Variants in MYL6B observed in about 807,000 individuals in gnomAD.
MYL6B encodes the protein myosin alkali light chain 1 slow a.
In MYL6B, 19 loss-of-function variants were observed where a neutral mutation model predicts 24.5. The observed-to-expected ratio is 0.78, with a 90% CI of 0.54 to 1.14. The LOEUF (loss-of-function observed/expected upper bound fraction) is 1.14, where lower values mean the gene tolerates loss of function less well. MYL6B is among the 50% of genes most tolerant of loss of function. The probability of loss-of-function intolerance (pLI) is 0.00; values close to 1 mark genes in which losing one functional copy is unlikely to be tolerated. For synonymous variants in MYL6B, 90 were observed against 100.7 expected, an observed-to-expected ratio of 0.89 and a Z score of 0.64; for missense variants, 230 against 263.8, an observed-to-expected ratio of 0.87 and a Z score of 0.89.
At chr12:56,154,673 G>A (rs1355177179) in intron 2 of MYL6B, 140 bp from the exon 3 acceptor site, 1 of 885,142 alleles carries the variant, frequency 1.1e-6, no homozygotes, top group African/African-American at 1.7e-5. Flanking sequence ...CCAGAGCTGG[G>A]AATGGGACTG....
In MYL6B at chr12:56,156,497, T is replaced by G. The variant is rs556214897; in HGVS notation, c.520+905T>G. ...GCGGGTGCCTGTAATCCCAGCTACT[T>G]GGTAGGCTAAGGCAGGAGAATCGCT... On this transcript the variant is annotated intron_variant, in intron 5 of 6. Coordinates refer to ENST00000553066, the Ensembl canonical transcript of MYL6B. Among the ~76,000 whole-genome samples the G allele has an allele frequency of 4.7e-5, 7 of 147,704 alleles. No homozygotes were observed. In the South Asian group the frequency reaches 1.5e-3, roughly 32 times the overall value.
At chr12:56,153,243 G>C (rs1169836550) in intron 1 of MYL6B, among the ~76,000 whole-genome samples, 1 of 152,088 alleles carries the variant, frequency 6.6e-6, no homozygotes, top group Non-Finnish European at 1.5e-5. Flanking sequence ...ACAACACTGG[G>C]CACAGGAGAC....
intron 1 of MYL6B, 81 bp downstream of exon 1, chr12:56,152,712 C>CGTGT (rs1565880353): frequency 1.4e-5 from 1 of 71,912 alleles, no homozygotes; most frequent in African/African-American, 5.3e-5. Flanking sequence ...GTGTGTGTGT[C>CGTGT]GTGTGTGTGT....
At chr12:56,157,628 G>C (rs563801776) in intron 6 of MYL6B, 70 bp from the exon 7 acceptor site, 2 of 1,613,080 alleles carry the variant, frequency 1.2e-6, no homozygotes, top group African/African-American at 2.7e-5. Context: ...GGCACCCCTG[G>C]ATTACCTAGA....
intron 5 of MYL6B, 177 bp from the exon 6 acceptor site, chr12:56,157,291 G>A (rs1871359762): frequency 1.5e-5 from 9 of 597,382 alleles, no homozygotes; most frequent in South Asian, 1.4e-4. Flanking sequence ...GGGTGAGGCA[G>A]GAGAATCGCG....
chr12:56,153,430 C>T, intron 1 of MYL6B: 2 of 985,894 alleles, frequency 2.0e-6, no homozygotes, highest in Non-Finnish European at 2.4e-6. Context: ...AGGGGCTGGG[C>T]AGATGGGCTT....
At chr12:56,154,678 G>C in intron 2 of MYL6B, 135 bp from the exon 3 acceptor site, 1 of 929,640 alleles carries the variant, frequency 1.1e-6, no homozygotes, top group South Asian at 1.6e-5. Flanking sequence ...GCTGGGAATG[G>C]GACTGAGGTG....
chr12:56,155,072 G>A (rs746734122), exon 4 of MYL6B: 9 of 1,612,868 alleles, frequency 5.6e-6, no homozygotes, highest in African/African-American at 1.3e-5. Flanking sequence ...GGAGGCCTTC[G>A]AGCTGTTTGA....
chr12:56,156,230 C>T lies in MYL6B; in HGVS notation c.520+638C>T, dbSNP rs554070275. 6.9e-4 allele frequency: 115 copies of T among 165,784 alleles called. 1 individual carries two copies. The highest frequency in any genetic ancestry group is 1.0e-3 in the Non-Finnish European group (78 of 78,230). 10.3% of individuals were successfully genotyped at this position (165,784 alleles called of 1,614,324 possible). Reference sequence around the variant, plus strand: ...CTGAGGCAGGAGAATCGCTGGAACCCGGGAGTCTGAGGTTGCAGTGAGCCG... The same window carrying T: ...CTGAGGCAGGAGAATCGCTGGAACCTGGGAGTCTGAGGTTGCAGTGAGCCG... On this transcript the variant is annotated intron_variant, in intron 5 of 6. Transcript: ENST00000553066.
chr12:56,154,099 C>G lies in MYL6B; in HGVS notation c.174+7C>G. 3.1e-6 allele frequency: 5 copies of G among 1,607,760 alleles called. No homozygotes were observed. In the South Asian group the frequency reaches 5.5e-5, roughly 18 times the overall value. ...CGATCTCTCCAAAGTGGTGGTGAGT[C>G]TCTGGAAAGTGAAGATAGAATTGGA... On this transcript the variant is annotated splice_region_variant and intron_variant, in intron 2 of 6. Transcript: ENST00000553066.
At chr12:56,155,551 A>G in exon 5 of MYL6B, 1 of 1,613,882 alleles carries the variant, frequency 6.2e-7, no homozygotes, top group Non-Finnish European at 8.5e-7. Flanking sequence ...GGGAACGGCA[A>G]AGTCATGGGA....
rs1179861852 is a variant in MYL6B at position 56,155,181 on chromosome 12, G to T, written c.329G>T (p.Gly110Val). The T allele has an allele frequency of 1.9e-6, 3 of 1,610,492 alleles. No individual in the cohort carries two copies. The Admixed American group carries it at 5.1e-5, about 27-fold the overall frequency. The stretch of plus-strand genomic sequence containing the variant: ...AACGCCGAGGTGCTCAAGGTCCTGG[G>T]GAACCCCAAGAGTGATGGTGAGGGG... Residue 110 changes from glycine to valine, a missense_variant, in exon 4 of 7, where the codon GGG becomes GTG. Physicochemically the swap from Gly to Val is moderately radical, Grantham distance 109. Transcript: ENST00000553066.
intron 5 of MYL6B, among the ~76,000 whole-genome samples, chr12:56,156,748 T>TAAA (rs200621571): frequency 3.3e-5 from 5 of 150,372 alleles, no homozygotes; most frequent in African/African-American, 1.2e-4. Flanking sequence ...CTATCTCTAT[T>TAAA]TAAAAAAAAA....
chr12:56,157,830 T>G, exon 7 of MYL6B: 1 of 1,405,700 alleles, frequency 7.1e-7, no homozygotes, highest in Non-Finnish European at 9.8e-7. Flanking sequence ...CATTCTGCTG[T>G]CCGGTTGCTG....
intron 5 of MYL6B, chr12:56,156,977 G>A (rs1871342310): frequency 1.3e-5 from 2 of 153,214 alleles, no homozygotes; most frequent in Admixed American, 6.5e-5. Flanking sequence ...GAGCCCAGGA[G>A]GTGGAAGTTG....
In MYL6B at chr12:56,155,200, T is replaced by TCCCC. The variant is rs1185168302; in HGVS notation, c.346+2_346+3insCCCC. The TCCCC allele has an allele frequency of 6.3e-7, 1 of 1,591,180 alleles. No homozygotes were observed. The highest frequency in any genetic ancestry group is 1.4e-5 in the African/African-American group (1 of 73,556). ...TCCTGGGGAACCCCAAGAGTGATGG[T>TCCCC]GAGGGGACCCTTGGGAACAATTTGG... On this transcript the variant is annotated splice_region_variant and intron_variant, in intron 4 of 6. Coordinates refer to ENST00000553066, the Ensembl canonical transcript of MYL6B.
At chr12:56,154,060 C>G (rs1034956860) in exon 2 of MYL6B, 2 of 1,613,852 alleles carry the variant, frequency 1.2e-6, no homozygotes, top group Non-Finnish European at 1.7e-6. Flanking sequence ...TCAGAAAACC[C>G]AGGAGCCTCC....
chr12:56,154,904 A>G, intron 3 of MYL6B, 64 bp downstream of exon 3: 1 of 1,591,670 alleles, frequency 6.3e-7, no homozygotes, highest in South Asian at 1.1e-5. Flanking sequence ...TTCTCTTTCT[A>G]TTCCCCTAAC....
rs749863546 is a variant in MYL6B, at chr12:56,157,734, A to G, written c.*8A>G. ...CACATCCTAAGCGTCTGAGTGCTGCAGGTAGGGCCCTCCCACCCCTTCGCC... is the reference window on the plus strand; with the variant it reads ...CACATCCTAAGCGTCTGAGTGCTGCGGGTAGGGCCCTCCCACCCCTTCGCC... On this transcript the variant is annotated 3_prime_UTR_variant, in exon 7 of 7. Transcript: ENST00000553066. 20 of 1,611,484 alleles carry G rather than the reference A, an allele frequency of 1.2e-5. No individual in the cohort carries two copies. In the Middle Eastern group the frequency reaches 8.2e-4, roughly 66 times the overall value.
Sources: allele counts gnomAD v4.1 joint callset (sites outside exome capture counted in the v4.1 genomes callset), GRCh38; gene constraint gnomAD v4.1.1; transcripts MANE v1.5; gene names NCBI Gene and HGNC (gene_info 2026-07-23, HGNC 2026-07-21).